ZNF280B: variants seen among roughly 807,000 people sequenced by gnomAD.
ZNF280B encodes the protein suppressor of hairy wing homolog 2.
Under a neutral mutation model 38.0 loss-of-function variants are expected in ZNF280B, and 16 were observed. The observed-to-expected ratio is 0.42, with a 90% CI of 0.28 to 0.64. ZNF280B has a LOEUF of 0.64. Ranked by LOEUF, ZNF280B falls within the 30% of genes least tolerant of loss-of-function variation. ZNF280B has a pLI of 0.21. For missense variants in ZNF280B, 581 were observed against 639.6 expected (o/e 0.91, Z 0.99); for synonymous variants, 253 against 230.6 (o/e 1.10, Z -0.88).
At chr22:22,496,754 C>T (rs1456393391) in intron 2 of ZNF280B, among the ~76,000 whole-genome samples, 1 of 150,866 alleles carries the variant, frequency 6.6e-6, no homozygotes, top group African/African-American at 2.4e-5. Flanking sequence ...ACAGAAGTTA[C>T]TCAAGTGGGA....
chr22:22,491,328 A>G (rs553472125), intron 3 of ZNF280B, among the ~76,000 whole-genome samples: 115 of 151,732 alleles, frequency 7.6e-4, no homozygotes, highest in Admixed American at 1.1e-3. Flanking sequence ...ATTTGACCAC[A>G]ACCAATAGTT....
Position 22,484,928 on chromosome 22 carries a change from AG to A in ZNF280B, c.*2838del, listed in dbSNP as rs2061485702. ...AGAGCCTTGAAGCTCAATGAACCAA[AG>A]GAAGTGTCAAACAATTAAGTGAGGT... On this transcript the variant is annotated 3_prime_UTR_variant, in exon 4 of 4. Transcript: ENST00000626650. 6.6e-6 allele frequency: 1 copy of A among 152,298 alleles called. No homozygotes were observed. Among genetic ancestry groups the A allele is most frequent in the Non-Finnish European group, 1.5e-5 (1 of 68,008 alleles). The allele number at this position is 152,298 out of a possible 1,614,324, so 9.4% of individuals were successfully genotyped here. A position where few individuals can be genotyped will look rare whatever the true frequency, so the allele number is the denominator to read the frequency against.
At chr22:22,506,987 C>G (rs1169177168) in intron 2 of ZNF280B, among the ~76,000 whole-genome samples, 1 of 151,864 alleles carries the variant, frequency 6.6e-6, no homozygotes, top group Admixed American at 6.6e-5. Context: ...TGATGGTATG[C>G]CACTTCAGAA....
intron 2 of ZNF280B, among the ~76,000 whole-genome samples, chr22:22,494,430 T>C (rs1248252063): frequency 6.6e-6 from 1 of 151,952 alleles, no homozygotes; most frequent in Non-Finnish European, 1.5e-5. Context: ...AAGAGTAGCA[T>C]TAGACCATGA....
In ZNF280B at chr22:22,485,177, T is replaced by A. The variant is rs181519240; in HGVS notation, c.*2590A>T. 1 of 152,106 alleles carries A rather than the reference T, an allele frequency of 6.6e-6. No homozygotes were observed. The highest frequency in any genetic ancestry group is 2.0e-4 in the East Asian group (1 of 5,102). 9.4% of individuals were successfully genotyped at this position (152,106 alleles called of 1,614,324 possible). ...ACTGGAATCTACAGTTGGCAATTAA[T>A]GACCATATGTACTCCTTAAGAGCAT... On this transcript the variant is annotated 3_prime_UTR_variant, in exon 4 of 4. Coordinates refer to ENST00000626650, the MANE Select transcript of ZNF280B (RefSeq NM_080764.4).
At chr22:22,506,909 T>C (rs943443077) in intron 2 of ZNF280B, among the ~76,000 whole-genome samples, 5 of 151,878 alleles carry the variant, frequency 3.3e-5, no homozygotes, top group African/African-American at 1.2e-4. Context: ...CTTCCTGGAA[T>C]TCACATAGTT....
At chr22:22,497,672 G>C (rs1202596035) in intron 2 of ZNF280B, among the ~76,000 whole-genome samples, 2 of 151,866 alleles carry the variant, frequency 1.3e-5, no homozygotes, top group African/African-American at 4.8e-5. Context: ...GAAGTTAAGG[G>C]GAATGGTGGA....
At chr22:22,500,247 TAATTGA>T (rs2061788882) in intron 2 of ZNF280B, among the ~76,000 whole-genome samples, 2 of 151,796 alleles carry the variant, frequency 1.3e-5, no homozygotes, top group Non-Finnish European at 2.9e-5. Context: ...ATATCTAAAA[TAATTGA>T]AAGCAGGGTC....
rs575775809 is a variant in ZNF280B, at chr22:22,496,621, TAG to T, written c.-186-2443_-186-2442del. Among the ~76,000 whole-genome samples, 8 of 151,798 alleles carry T rather than the reference TAG, an allele frequency of 5.3e-5. No individual in the cohort carries two copies. In the South Asian group the frequency reaches 1.7e-3, roughly 32 times the overall value. On this transcript the variant is annotated intron_variant, in intron 2 of 3. Transcript: ENST00000626650. ...ATTCAATTCTAAGATAGCAAACGTG[TAG>T]AGTTATTTGTGGGGGTGGGGGACAA... is the stretch of plus-strand genomic sequence containing the variant.
Position 22,503,687 on chromosome 22 carries a change from C to G in ZNF280B, c.-187+4123G>C, listed in dbSNP as rs1002886822. 2.6e-5 allele frequency among the ~76,000 whole-genome samples: 4 copies of G among 151,974 alleles called. No individual in the cohort carries two copies. The South Asian group carries it at 6.2e-4, about 24-fold the overall frequency. On this transcript the variant is annotated intron_variant, in intron 2 of 3. Coordinates refer to ENST00000626650, the MANE Select transcript of ZNF280B (RefSeq NM_080764.4). ...CCAAATAAATTATACGTAGGATTACCAAATATGCTGGTATGACCAAGACAG... is the reference window on the plus strand; with the variant it reads ...CCAAATAAATTATACGTAGGATTACGAAATATGCTGGTATGACCAAGACAG...
intron 3 of ZNF280B, among the ~76,000 whole-genome samples, chr22:22,492,858 T>C (rs2051488): frequency 0.25 from 37,370 of 149,552 alleles, 6,353 homozygotes; most frequent in African/African-American, 0.48. Flanking sequence ...TGCACTCCAG[T>C]CCGGGTGACA....
chr22:22,492,885 CA>C (rs34483919), intron 3 of ZNF280B, among the ~76,000 whole-genome samples: 25,742 of 124,986 alleles, frequency 0.21, 2,303 homozygotes, highest in South Asian at 0.36. Flanking sequence ...GACTGCATCT[CA>C]AAAAAAAAAA....
In ZNF280B at chr22:22,487,964, T is replaced by C. The variant is rs2061524113; in HGVS notation, c.1435A>G (p.Lys479Glu). 6.2e-7 allele frequency: 1 copy of C among 1,613,704 alleles called. No individual in the cohort carries two copies. Among genetic ancestry groups the C allele is most frequent in the Non-Finnish European group, 8.5e-7 (1 of 1,179,960 alleles). ...TTAAACATTTGATGACACTGGGTCT[T>C]GTGCTCCATTTTCTCCTTGAAAGTT... is the stretch of plus-strand genomic sequence containing the variant. ...FLTFKEKMEH[K>E]TQCHQMFKKP... Residue 479 changes from lysine to glutamate, a missense_variant, in exon 4 of 4, where the codon AAG (lysine) becomes GAG (glutamate). Physicochemically the swap from Lys to Glu is moderately conservative, Grantham distance 56 (BLOSUM62 1). Transcript: ENST00000626650.
chr22:22,508,480 G>A (rs2061985966), intron 1 of ZNF280B, among the ~76,000 whole-genome samples, 179 bp downstream of exon 1: 1 of 151,772 alleles, frequency 6.6e-6, no homozygotes, highest in Admixed American at 6.6e-5. Flanking sequence ...GTGCGTGAGG[G>A]GATCGTGGGA....
At chr22:22,508,457 T>C (rs1439111668) in intron 1 of ZNF280B, among the ~76,000 whole-genome samples, 1 of 151,182 alleles carries the variant, frequency 6.6e-6, no homozygotes, top group Non-Finnish European at 1.5e-5. Context: ...CCGCTGAGAT[T>C]AGGGAAGGGG....
chr22:22,488,598 T>C lies in ZNF280B; in HGVS notation c.801A>G (p.Leu267=), dbSNP rs759644781. Residue 267 remains leucine, a synonymous_variant, in exon 4 of 4, where the codon CTA becomes CTG. Coordinates refer to ENST00000626650, the MANE Select transcript of ZNF280B (RefSeq NM_080764.4). Reference sequence around the variant, plus strand: ...GATCAAAGGTCTTGTTTTGACTTGTTAGACTCAAAATGTCTGTTTTTGCCA... The same window carrying C: ...GATCAAAGGTCTTGTTTTGACTTGTCAGACTCAAAATGTCTGTTTTTGCCA... ...NELAKTDILS[L]TSQNKTFDPK... is the part of the protein sequence containing the mutation. 6.2e-7 allele frequency: 1 copy of C among 1,613,924 alleles called. No individual in the cohort carries two copies. Among genetic ancestry groups the C allele is most frequent in the South Asian group, 1.1e-5 (1 of 91,068 alleles).
rs745756312 is a variant in ZNF280B at position 22,487,778 on chromosome 22, T to C, written c.1621A>G (p.Lys541Glu). 6.4e-7 allele frequency: 1 copy of C among 1,573,068 alleles called. No individual in the cohort carries two copies. The highest frequency in any genetic ancestry group is 8.6e-7 in the Non-Finnish European group (1 of 1,163,544). Reference sequence around the variant, plus strand: ...TACTGAAACTAGAATTAATGGGACTTTTTTGAAATTTTGCTTTTAGACCTG... The same window carrying C: ...TACTGAAACTAGAATTAATGGGACTCTTTTGAAATTTTGCTTTTAGACCTG... Reference protein sequence around the residue: ...LPRSKSKISKKSH With the variant: ...LPRSKSKISKESH The change falls in exon 4 of 4, where the codon AAG (lysine) becomes GAG (glutamate). Residue 541 changes from lysine (K) to glutamate (E), a missense_variant. Lys to Glu is a moderately conservative substitution (Grantham distance 56). Coordinates refer to ENST00000626650, the MANE Select transcript of ZNF280B (RefSeq NM_080764.4).
At chr22:22,490,555 C>T (rs1318198645) in intron 3 of ZNF280B, among the ~76,000 whole-genome samples, 4 of 151,946 alleles carry the variant, frequency 2.6e-5, no homozygotes, top group African/African-American at 7.3e-5. Flanking sequence ...GCAACCTCCA[C>T]CTTCCAGGTT....
chr22:22,506,845 G>T (rs2061949110), intron 2 of ZNF280B, among the ~76,000 whole-genome samples: 1 of 151,914 alleles, frequency 6.6e-6, no homozygotes, highest in Admixed American at 6.6e-5. Flanking sequence ...AGGGTTAAAT[G>T]GTGGATAAAT....
Sources: allele counts gnomAD v4.1 joint callset (sites outside exome capture counted in the v4.1 genomes callset), GRCh38; gene constraint gnomAD v4.1.1; transcripts MANE v1.5; gene names NCBI Gene and HGNC (gene_info 2026-07-23, HGNC 2026-07-21).